Variants in TAFA2 observed in about 807,000 individuals in gnomAD.
The protein encoded by TAFA2 is chemokine-like protein TAFA-2.
TAFA2 carries 7 observed loss-of-function variants against 18.8 expected under a neutral mutation model. The ratio of observed to expected loss-of-function variants is 0.37; its 90% CI spans 0.21 to 0.70. The LOEUF (loss-of-function observed/expected upper bound fraction) is 0.70. TAFA2 is among the 30% of genes least tolerant of loss of function. TAFA2 has a pLI of 0.53. For missense variants in TAFA2, 122 were observed against 158.1 expected (o/e 0.77, Z 1.23); for synonymous variants, 60 against 54.2 (o/e 1.11, Z -0.47).
chr12:61,788,254 C>G (rs1045219144), intron 2 of TAFA2, among the ~76,000 whole-genome samples: 2 of 151,652 alleles, frequency 1.3e-5, no homozygotes, highest in African/African-American at 4.8e-5. Context: ...ACAATAATAA[C>G]AGGTTATGTC....
At chr12:61,775,671 G>A (rs7137620) in intron 2 of TAFA2, among the ~76,000 whole-genome samples, 3,701 of 151,824 alleles carry the variant, frequency 0.024, 147 homozygotes, top group African/African-American at 0.085. Context: ...GATTTTTAGG[G>A]CAGTGAAAAT....
intron 1 of TAFA2, among the ~76,000 whole-genome samples, chr12:62,231,306 T>C (rs929966226): frequency 3.3e-5 from 5 of 152,240 alleles, no homozygotes; most frequent in African/African-American, 4.8e-5. Context: ...ACAATTATTA[T>C]ATACTCTTGG....
At chr12:62,187,431 G>T (rs1215438047) in intron 1 of TAFA2, among the ~76,000 whole-genome samples, 2 of 152,076 alleles carry the variant, frequency 1.3e-5, no homozygotes, top group Non-Finnish European at 2.9e-5. Flanking sequence ...ATTCTACAAA[G>T]TTGTTCTGAT....
chr12:61,983,039 G>A (rs954136824), intron 1 of TAFA2, among the ~76,000 whole-genome samples: 1 of 151,950 alleles, frequency 6.6e-6, no homozygotes, highest in Non-Finnish European at 1.5e-5. Context: ...AAAGCACAAG[G>A]TCAACAGCTG....
chr12:61,964,831 C>T (rs1465096708), intron 1 of TAFA2, among the ~76,000 whole-genome samples: 1 of 151,922 alleles, frequency 6.6e-6, no homozygotes, highest in Non-Finnish European at 1.5e-5. Flanking sequence ...GACATGTGAA[C>T]TTCCTATGTG....
upstream of TAFA2, chr12:62,192,824 G>C (rs1446924377): frequency 6.6e-6 from 1 of 152,208 alleles, no homozygotes; most frequent in Non-Finnish European, 1.5e-5. Flanking sequence ...TAAAAGATGA[G>C]GAGGCAACTG....
chr12:61,861,215 G>A (rs1488476885), intron 2 of TAFA2, among the ~76,000 whole-genome samples: 1 of 149,678 alleles, frequency 6.7e-6, no homozygotes, highest in Admixed American at 6.6e-5. Flanking sequence ...GCCTCCCTAA[G>A]TGCTGGGATT....
At chr12:61,859,527 T>A (rs1327251703) in intron 2 of TAFA2, among the ~76,000 whole-genome samples, 1 of 152,206 alleles carries the variant, frequency 6.6e-6, no homozygotes, top group Admixed American at 6.5e-5. Context: ...CACTGCAACC[T>A]CCGCCTACAG....
At chr12:61,841,993 C>A (rs996712656) in intron 2 of TAFA2, among the ~76,000 whole-genome samples, 3 of 151,942 alleles carry the variant, frequency 2.0e-5, no homozygotes, top group Non-Finnish European at 4.4e-5. Flanking sequence ...GATTGGAGTT[C>A]CTTGCCACTC....
At chr12:61,820,439 T>C (rs989443825) in intron 2 of TAFA2, among the ~76,000 whole-genome samples, 1 of 151,920 alleles carries the variant, frequency 6.6e-6, no homozygotes, top group Non-Finnish European at 1.5e-5. Flanking sequence ...GTGGTACGTA[T>C]GTAACTATCT....
intron 4 of TAFA2, among the ~76,000 whole-genome samples, chr12:61,743,198 T>C (rs1868537650): frequency 2.0e-5 from 3 of 152,068 alleles, no homozygotes; most frequent in Non-Finnish European, 4.4e-5. Flanking sequence ...CCGTCATGCC[T>C]TCATATAAGC....
chr12:62,232,043 C>T (rs1464313780), intron 1 of TAFA2, among the ~76,000 whole-genome samples: 1 of 152,030 alleles, frequency 6.6e-6, no homozygotes, highest in Non-Finnish European at 1.5e-5. Flanking sequence ...CTTTGACCTT[C>T]CCAATGTGAG....
At chr12:61,940,119 C>T (rs1877937509) in intron 1 of TAFA2, among the ~76,000 whole-genome samples, 1 of 152,244 alleles carries the variant, frequency 6.6e-6, no homozygotes, top group African/African-American at 2.4e-5. Flanking sequence ...CCAGGCCCCA[C>T]TGTGGTTACC....
At chr12:62,177,117 A>G (rs2062519603) in intron 1 of TAFA2, among the ~76,000 whole-genome samples, 2 of 152,262 alleles carry the variant, frequency 1.3e-5, no homozygotes, top group Non-Finnish European at 2.9e-5. Context: ...AGATCTCCAT[A>G]GAAAGCAAAG....
chr12:62,123,705 A>G (rs772146385), intron 1 of TAFA2, among the ~76,000 whole-genome samples: 9 of 139,750 alleles, frequency 6.4e-5, no homozygotes, highest in Admixed American at 3.6e-4. Flanking sequence ...ACACACACAT[A>G]CATTCTGAAC....
intron 1 of TAFA2, among the ~76,000 whole-genome samples, chr12:61,887,156 C>G (rs11174215): frequency 5.3e-5 from 8 of 152,096 alleles, no homozygotes; most frequent in African/African-American, 1.9e-4. Flanking sequence ...GGAAATCAGT[C>G]CCATATTGAA....
chr12:61,781,465 TA>T (rs1490282132), intron 2 of TAFA2, among the ~76,000 whole-genome samples: 4 of 151,950 alleles, frequency 2.6e-5, no homozygotes, highest in South Asian at 4.1e-4. Context: ...TTACTTCTTG[TA>T]AAGCAGCTTA....
chr12:61,718,225 A>G (rs1189840416), intron 4 of TAFA2, among the ~76,000 whole-genome samples: 1 of 152,200 alleles, frequency 6.6e-6, no homozygotes, highest in East Asian at 1.9e-4. Context: ...AAAGCTGTAC[A>G]GTGTGCCTGC....
chr12:62,089,089 C>G (rs1455764851), intron 1 of TAFA2, among the ~76,000 whole-genome samples: 1 of 152,060 alleles, frequency 6.6e-6, no homozygotes, highest in Non-Finnish European at 1.5e-5. Flanking sequence ...TCCACAAGGC[C>G]AAAATAGAAC....
Sources: allele counts gnomAD v4.1 joint callset (sites outside exome capture counted in the v4.1 genomes callset), GRCh38; gene constraint gnomAD v4.1.1; transcripts MANE v1.5; gene names NCBI Gene and HGNC (gene_info 2026-07-23, HGNC 2026-07-21).